PFKFB3: variants seen among roughly 807,000 people sequenced by gnomAD.
PFKFB3 encodes the protein 6-phosphofructo-2-kinase/fructose-2,6-biphosphatase 3.
A neutral mutation model predicts 68.0 loss-of-function variants in PFKFB3; 33 were observed. That is an observed-to-expected ratio of 0.49 (90% CI 0.37 to 0.65). PFKFB3 has a LOEUF of 0.65. Among genes scored for constraint, PFKFB3 ranks in the 30% least tolerant of loss-of-function variants. PFKFB3 has a pLI of 0.00. For missense variants in PFKFB3, 586 were observed against 712.2 expected (o/e 0.82, Z 2.02); for synonymous variants, 315 against 288.2 (o/e 1.09, Z -0.94).
chr10:6,200,115 A>G (rs993375495), upstream of PFKFB3, among the ~76,000 whole-genome samples: 1 of 151,850 alleles, frequency 6.6e-6, no homozygotes, highest in Non-Finnish European at 1.5e-5. Flanking sequence ...TTCCTTGACT[A>G]CTCTAATCTC....
chr10:6,305,703 C>T, the PFKFB3 span, among the ~76,000 whole-genome samples: 1 of 152,206 alleles, frequency 6.6e-6, no homozygotes, highest in Admixed American at 6.5e-5. Flanking sequence ...CTGTGAGCTG[C>T]TGACTTTCCT....
intron 1 of PFKFB3, among the ~76,000 whole-genome samples, chr10:6,207,459 A>T (rs1330197833): frequency 2.6e-5 from 4 of 152,096 alleles, no homozygotes; most frequent in African/African-American, 9.7e-5. Context: ...GCTGGAGCTT[A>T]AAAAAATTTT....
chr10:6,177,401 TTTCTTTC>T (rs1377303496), intron 1 of PFKFB3, among the ~76,000 whole-genome samples: 4 of 144,064 alleles, frequency 2.8e-5, no homozygotes, highest in Admixed American at 1.4e-4. Flanking sequence ...TCTTTCTTTC[TTTCTTTC>T]TTCTTTCTCT....
At position 6,215,874 on chromosome 10, in the gene PFKFB3, A is replaced by G. The variant is rs1844542692; in HGVS notation, c.300-251A>G. Among the ~76,000 whole-genome samples, 1 of 152,156 alleles carries G rather than the reference A, an allele frequency of 6.6e-6. No homozygotes were observed. The highest frequency in any genetic ancestry group is 2.4e-5 in the African/African-American group (1 of 41,444). ...TGGCTCTGGGCAGCCATTTCTTAGC[A>G]GCTCCCCAGGAGTGGTTCCCGCGTG... On this transcript the variant is annotated intron_variant, in intron 3 of 14. Transcript: ENST00000379775. The surrounding 1 kb of genome is among the most constrained non-coding windows in gnomAD (Gnocchi z 4.3).
chr10:6,309,187 C>T, the PFKFB3 span, among the ~76,000 whole-genome samples: 1 of 152,086 alleles, frequency 6.6e-6, no homozygotes, highest in South Asian at 2.1e-4. Context: ...GACATTTATG[C>T]GACAAACTAG....
At chr10:6,304,191 AG>A in the PFKFB3 span, among the ~76,000 whole-genome samples, 36 of 152,336 alleles carry the variant, frequency 2.4e-4, no homozygotes, top group African/African-American at 8.7e-4. Flanking sequence ...CTGCAGTAAC[AG>A]ATAGATTTAA....
rs1845496937 is a variant in PFKFB3 at position 6,228,363 on chromosome 10, A to G, written c.1515+1998A>G. 2 of 835,786 alleles carry G rather than the reference A, an allele frequency of 2.4e-6. No homozygotes were observed. Among genetic ancestry groups the G allele is most frequent in the South Asian group, 2.8e-5 (2 of 71,658 alleles). 51.8% of individuals were successfully genotyped at this position (835,786 alleles called of 1,614,324 possible). ...GGGGGAAGGAGGAGATGGGCGTAGG[A>G]GTAGGGAGGAGAGATTCCTGAATGT... On this transcript the variant is annotated intron_variant, in intron 14 of 14. Transcript: ENST00000379775. The surrounding 1 kb of genome is among the most constrained non-coding windows in gnomAD (Gnocchi z 4.5).
At chr10:6,176,434 G>A (rs1030343391) in intron 1 of PFKFB3, among the ~76,000 whole-genome samples, 2 of 152,098 alleles carry the variant, frequency 1.3e-5, no homozygotes, top group African/African-American at 4.8e-5. Context: ...AAGAGATGGG[G>A]TCTCCCTCTG....
At chr10:6,238,499 A>C (rs1234615548), downstream of PFKFB3, among the ~76,000 whole-genome samples, 3 of 142,374 alleles carry the variant, frequency 2.1e-5, no homozygotes, top group East Asian at 6.3e-4. Flanking sequence ...AAAAAAAAAA[A>C]AAAGATGTGA....
the PFKFB3 span, among the ~76,000 whole-genome samples, chr10:6,311,844 G>T: frequency 6.6e-6 from 1 of 152,172 alleles, no homozygotes; most frequent in South Asian, 2.1e-4. Flanking sequence ...TGAAAGTGTC[G>T]AAGTCAGGCA....
At chr10:6,206,843 T>TCCTCACATCCCAGACGATG (rs1564619771) in intron 1 of PFKFB3, among the ~76,000 whole-genome samples, 472 of 14,632 alleles carry the variant, frequency 0.032, 75 homozygotes, top group Non-Finnish European at 0.05. Flanking sequence ...CCAGACGGGG[T>TCCTCACATCCCAGACGATG]GGCGGCCGGG....
chr10:6,217,046 C>T (rs554651168), intron 5 of PFKFB3, 89 bp from the exon 6 acceptor site: 3 of 1,335,250 alleles, frequency 2.2e-6, no homozygotes, highest in East Asian at 2.3e-5. Context: ...GGCGTGCTTC[C>T]GCCTTGTCCG....
chr10:6,225,491 C>A (rs1215733046), intron 13 of PFKFB3, among the ~76,000 whole-genome samples: 1 of 152,212 alleles, frequency 6.6e-6, no homozygotes, highest in African/African-American at 2.4e-5. Context: ...TGGGATTGGG[C>A]CTGAGCCGGT....
At chr10:6,264,463 A>C in the PFKFB3 span, among the ~76,000 whole-genome samples, 1 of 152,176 alleles carries the variant, frequency 6.6e-6, no homozygotes, top group Non-Finnish European at 1.5e-5. Context: ...GACTTTTTCA[A>C]TCTAAGAATA....
chr10:6,276,120 A>C, the PFKFB3 span, among the ~76,000 whole-genome samples: 1 of 152,182 alleles, frequency 6.6e-6, no homozygotes. Context: ...CTACTGACCC[A>C]AGAGAAGGCT....
rs1845940426 is a variant in PFKFB3 at position 6,234,839 on chromosome 10, T to A, written c.*1897T>A. The A allele has an allele frequency of 6.6e-6, 1 of 152,318 alleles. No individual in the cohort carries two copies. Among genetic ancestry groups the A allele is most frequent in the African/African-American group, 2.4e-5 (1 of 41,424 alleles). 9.4% of individuals were successfully genotyped at this position (152,318 alleles called of 1,614,324 possible). ...GCTGTGGTCCCCTCTCCCCTCTGAC[T>A]ACCTAAAATCAATACCTAAATACAG... On this transcript the variant is annotated 3_prime_UTR_variant, in exon 15 of 15. Coordinates refer to ENST00000379775, the MANE Select transcript of PFKFB3 (RefSeq NM_004566.4).
chr10:6,237,942 C>T (rs1000559890), downstream of PFKFB3, among the ~76,000 whole-genome samples: 6 of 152,016 alleles, frequency 3.9e-5, no homozygotes, highest in Admixed American at 1.3e-4. Context: ...CAGTTGTTCT[C>T]GGTGTGTGAG....
the PFKFB3 span, among the ~76,000 whole-genome samples, chr10:6,291,255 A>T: frequency 1.1e-3 from 172 of 152,312 alleles, 1 homozygote; most frequent in Middle Eastern, 6.8e-3. Context: ...AAATGAAAAA[A>T]AAGAGGAGTC....
the PFKFB3 span, among the ~76,000 whole-genome samples, chr10:6,320,861 C>T: frequency 2.2e-4 from 33 of 152,324 alleles, no homozygotes; most frequent in African/African-American, 7.9e-4. Context: ...TTGTGCCTGA[C>T]AGGAGAGAGG....
Sources: allele counts gnomAD v4.1 joint callset (sites outside exome capture counted in the v4.1 genomes callset), GRCh38; gene constraint gnomAD v4.1.1; non-coding constraint Gnocchi (gnomAD v3.1); transcripts MANE v1.5; gene names NCBI Gene and HGNC (gene_info 2026-07-23, HGNC 2026-07-21).